The following YAP1 variants were observed in gnomAD, a reference collection of about 807,000 sequenced individuals.
YAP1 encodes the protein transcriptional coactivator YAP1.
YAP1 carries 5 observed loss-of-function variants against 56.9 expected under a neutral mutation model. That is an observed-to-expected ratio of 0.09 (90% CI 0.05 to 0.18). The LOEUF (loss-of-function observed/expected upper bound fraction) is 0.18, where lower values mean the gene tolerates loss of function less well. Among genes scored for constraint, YAP1 ranks in the 10% least tolerant of loss-of-function variants. The pLI, the probability that YAP1 is intolerant of heterozygous loss-of-function variation, is 1.00. For missense variants in YAP1, 539 were observed against 651.8 expected, an observed-to-expected ratio of 0.83 and a Z score of 1.88; for synonymous variants, 265 against 248.1, an observed-to-expected ratio of 1.07 and a Z score of -0.64.
chr11:102,111,261 G>A, intron 1 of YAP1, 92 bp downstream of exon 1: 1 of 1,494,832 alleles, frequency 6.7e-7, no homozygotes. Context: ...TCTGGTCAGG[G>A]GAGGGGGGTT....
chr11:102,117,095 T>C (rs1471872542), intron 2 of YAP1, among the ~76,000 whole-genome samples: 2 of 152,212 alleles, frequency 1.3e-5, no homozygotes, highest in Non-Finnish European at 2.9e-5. Flanking sequence ...TCTTTTTGTG[T>C]ACTGAACAGA....
At chr11:102,166,184 C>T (rs1946596571) in intron 3 of YAP1, among the ~76,000 whole-genome samples, 2 of 152,178 alleles carry the variant, frequency 1.3e-5, no homozygotes, top group Admixed American at 6.5e-5. Flanking sequence ...TTCCCAGAAT[C>T]AGACAAGTTT....
At chr11:102,195,725 T>C (rs562004874) in intron 4 of YAP1, among the ~76,000 whole-genome samples, 30 of 152,344 alleles carry the variant, frequency 2.0e-4, no homozygotes, top group African/African-American at 7.2e-4. Context: ...GATTGTAAGT[T>C]TTCTGAGACC....
chr11:102,185,095 A>G (rs1403028587), intron 3 of YAP1, among the ~76,000 whole-genome samples: 1 of 152,230 alleles, frequency 6.6e-6, no homozygotes, highest in Non-Finnish European at 1.5e-5. Context: ...TGTACTGACC[A>G]TCCCAGTTTG....
Position 102,162,328 on chromosome 11 carries a change from A to G in YAP1, c.573-128A>G, listed in dbSNP as rs566020495. The G allele has an allele frequency of 4.3e-6, 3 of 694,414 alleles. No homozygotes were observed. In the African/African-American group the frequency reaches 5.2e-5, roughly 12 times the overall value. 43.0% of individuals were successfully genotyped at this position (694,414 alleles called of 1,614,324 possible). The stretch of plus-strand genomic sequence containing the variant: ...GTTGCAGAGGGAGGCTGGTGGGAGC[A>G]GTGAGATGCTGTGACTTAATGCTTT... On this transcript the variant is annotated intron_variant, in intron 2 of 8. Coordinates refer to ENST00000282441, the MANE Select transcript of YAP1 (RefSeq NM_001130145.3).
chr11:102,136,731 G>A (rs1944696991), intron 2 of YAP1, among the ~76,000 whole-genome samples: 2 of 152,040 alleles, frequency 1.3e-5, no homozygotes, highest in African/African-American at 4.8e-5. Flanking sequence ...GAGTGTAGGA[G>A]TTTTTTTCTC....
At chr11:102,218,882 A>G (rs2135676386) in intron 6 of YAP1, among the ~76,000 whole-genome samples, 1 of 152,360 alleles carries the variant, frequency 6.6e-6, no homozygotes, top group South Asian at 2.1e-4. Flanking sequence ...CACGGCTTTT[A>G]ACAAACATAG....
intron 4 of YAP1, among the ~76,000 whole-genome samples, chr11:102,187,299 A>T (rs1452047566): frequency 6.6e-6 from 1 of 152,200 alleles, no homozygotes; most frequent in East Asian, 1.9e-4. Flanking sequence ...CAGGGCAGTG[A>T]TGTCATTTTG....
At chr11:102,213,495 A>G (rs955499159) in intron 6 of YAP1, among the ~76,000 whole-genome samples, 11 of 152,176 alleles carry the variant, frequency 7.2e-5, no homozygotes, top group African/African-American at 2.7e-4. Context: ...TGAAAAAAAG[A>G]AAAAGAATTT....
At chr11:102,187,997 A>C (rs938526781) in intron 4 of YAP1, among the ~76,000 whole-genome samples, 1 of 151,984 alleles carries the variant, frequency 6.6e-6, no homozygotes, top group African/African-American at 2.4e-5. Context: ...AGACCTTTTC[A>C]CTCAGAGAGC....
At chr11:102,178,530 T>G (rs1347861884) in intron 3 of YAP1, among the ~76,000 whole-genome samples, 1 of 152,232 alleles carries the variant, frequency 6.6e-6, no homozygotes, top group African/African-American at 2.4e-5. Flanking sequence ...GTGAGTCACC[T>G]TCAGTGTTAT....
At chr11:102,178,369 C>G (rs1438210473) in intron 3 of YAP1, among the ~76,000 whole-genome samples, 1 of 152,006 alleles carries the variant, frequency 6.6e-6, no homozygotes, top group African/African-American at 2.4e-5. Flanking sequence ...TTCTTTATTC[C>G]CAAATTGTGG....
intron 4 of YAP1, among the ~76,000 whole-genome samples, chr11:102,194,605 T>G (rs1164567090): frequency 6.6e-6 from 1 of 152,124 alleles, no homozygotes; most frequent in Non-Finnish European, 1.5e-5. Context: ...ATGTATTAAG[T>G]ATGGTAAAAG....
In YAP1 at chr11:102,230,761, A is replaced by C. The variant is rs1950410910; in HGVS notation, c.*821A>C. ...TGACCATATTAGTGAATCTGTTAAT[A>C]GTTGTAGCTTGGGATGGTTATTGTA... On this transcript the variant is annotated 3_prime_UTR_variant, in exon 9 of 9. Coordinates refer to ENST00000282441, the MANE Select transcript of YAP1 (RefSeq NM_001130145.3). 1 of 152,412 alleles carries C rather than the reference A, an allele frequency of 6.6e-6. No individual in the cohort carries two copies. Among genetic ancestry groups the C allele is most frequent in the Admixed American group, 6.6e-5 (1 of 15,260 alleles). 9.4% of individuals were successfully genotyped at this position (152,412 alleles called of 1,614,324 possible). A position where few individuals can be genotyped will look rare whatever the true frequency, so the allele number is the denominator to read the frequency against.
At chr11:102,151,028 T>C (rs1945623324) in intron 2 of YAP1, among the ~76,000 whole-genome samples, 1 of 151,870 alleles carries the variant, frequency 6.6e-6, no homozygotes, top group African/African-American at 2.4e-5. Flanking sequence ...CTCAAATGCC[T>C]GACCCCGTGG....
intron 7 of YAP1, among the ~76,000 whole-genome samples, chr11:102,226,109 C>A (rs1950181369): frequency 6.6e-6 from 1 of 152,170 alleles, no homozygotes; most frequent in Admixed American, 6.5e-5. Flanking sequence ...GCTTAGCAGC[C>A]GAATAGAGTG....
At chr11:102,226,149 C>T (rs1024379744) in intron 7 of YAP1, among the ~76,000 whole-genome samples, 1 of 152,234 alleles carries the variant, frequency 6.6e-6, no homozygotes, top group Non-Finnish European at 1.5e-5. Context: ...TGTCCCAGAT[C>T]AGGGCAGGCA....
chr11:102,225,646 T>A (rs1950160355), intron 7 of YAP1, among the ~76,000 whole-genome samples: 1 of 152,238 alleles, frequency 6.6e-6, no homozygotes, highest in Non-Finnish European at 1.5e-5. Flanking sequence ...CTTTTACTTT[T>A]ACCCTCAAAG....
At chr11:102,153,155 C>CT (rs1945759708) in intron 2 of YAP1, among the ~76,000 whole-genome samples, 1 of 152,200 alleles carries the variant, frequency 6.6e-6, no homozygotes, top group Admixed American at 6.5e-5. Context: ...TGGACTTCAT[C>CT]TTTATAGACT....
Sources: gnomAD v4.1 joint callset for allele counts (sites outside exome capture counted in the v4.1 genomes callset) on GRCh38, gnomAD v4.1.1 for gene constraint, MANE v1.5 for transcripts, NCBI Gene and HGNC (gene_info 2026-07-23, HGNC 2026-07-21) for gene names.